Variants in TMEM71 observed in about 807,000 individuals in gnomAD.
TMEM71 encodes the protein transmembrane protein 71.
In TMEM71, 44 loss-of-function variants were observed where a neutral mutation model predicts 38.0. The observed-to-expected ratio is 1.16, with a 90% CI of 0.91 to 1.49. The LOEUF (loss-of-function observed/expected upper bound fraction) is 1.49, where lower values mean the gene tolerates loss of function less well. Ranked by LOEUF, TMEM71 falls within the 40% of genes most tolerant of loss-of-function variation. The probability of loss-of-function intolerance (pLI) is 0.00; values close to 1 mark genes in which losing one functional copy is unlikely to be tolerated. For missense variants in TMEM71, 367 were observed against 348.6 expected, an observed-to-expected ratio of 1.05 and a Z score of -0.42; for synonymous variants, 133 against 122.5, an observed-to-expected ratio of 1.09 and a Z score of -0.56.
chr8:132,713,663 T>C (rs1284691318), intron 9 of TMEM71, among the ~76,000 whole-genome samples: 1 of 152,192 alleles, frequency 6.6e-6, no homozygotes, highest in Non-Finnish European at 1.5e-5. Flanking sequence ...TTGCCAGCTA[T>C]TTGGGAACGT....
intron 6 of TMEM71, among the ~76,000 whole-genome samples, chr8:132,722,745 A>G (rs1024244499): frequency 6.6e-6 from 1 of 152,256 alleles, no homozygotes; most frequent in African/African-American, 2.4e-5. Flanking sequence ...AAGACAAAAA[A>G]TGAGAACATA....
chr8:132,729,480 C>A (rs1395011915), intron 5 of TMEM71, among the ~76,000 whole-genome samples: 2 of 152,220 alleles, frequency 1.3e-5, no homozygotes, highest in African/African-American at 2.4e-5. Flanking sequence ...GACTTGGAAG[C>A]AAAGCCACTC....
intron 7 of TMEM71, among the ~76,000 whole-genome samples, chr8:132,716,134 C>T (rs1826515187): frequency 6.6e-6 from 1 of 152,226 alleles, no homozygotes; most frequent in South Asian, 2.1e-4. Flanking sequence ...ACCCAGGCAT[C>T]CCTGCACTCT....
At chr8:132,747,777 T>A (rs1009237793) in intron 4 of TMEM71, among the ~76,000 whole-genome samples, 1 of 152,216 alleles carries the variant, frequency 6.6e-6, no homozygotes, top group South Asian at 2.1e-4. Context: ...TAAGTCTGAT[T>A]AGGTCATGCC....
intron 7 of TMEM71, among the ~76,000 whole-genome samples, chr8:132,717,137 C>G (rs907936925): frequency 6.6e-6 from 1 of 151,970 alleles, no homozygotes; most frequent in Admixed American, 6.6e-5. Context: ...TAAAACACAA[C>G]AAAAGATGGG....
downstream of TMEM71, among the ~76,000 whole-genome samples, chr8:132,707,598 T>C (rs1586778947): frequency 6.6e-6 from 1 of 152,162 alleles, no homozygotes; most frequent in East Asian, 1.9e-4. Flanking sequence ...CCTTCTCTCA[T>C]CTTCTCACCT....
upstream of TMEM71, among the ~76,000 whole-genome samples, chr8:132,764,595 G>A (rs925684241): frequency 6.6e-6 from 1 of 152,162 alleles, no homozygotes; most frequent in South Asian, 2.1e-4. Flanking sequence ...ATTCAACCAT[G>A]CTGGCTTCCT....
chr8:132,757,638 A>C (rs1829099469), intron 2 of TMEM71, among the ~76,000 whole-genome samples: 1 of 151,978 alleles, frequency 6.6e-6, no homozygotes, highest in African/African-American at 2.4e-5. Flanking sequence ...ATCCTGGCTA[A>C]CACGGTGACA....
intron 7 of TMEM71, among the ~76,000 whole-genome samples, chr8:132,718,500 C>G (rs1022600370): frequency 2.6e-5 from 4 of 151,298 alleles, no homozygotes; most frequent in Non-Finnish European, 5.9e-5. Context: ...CGGGTTCACA[C>G]CATTCTCCTG....
rs745844910 is a variant in TMEM71, at chr8:132,727,960, T to C, written c.514A>G (p.Thr172Ala). 6.2e-7 allele frequency: 1 copy of C among 1,613,424 alleles called. No individual in the cohort carries two copies. The highest frequency in any genetic ancestry group is 2.2e-5 in the East Asian group (1 of 44,844). The change falls in exon 6 of 10, where the codon ACT becomes GCT. Residue 172 changes from threonine to alanine, a missense_variant. Transcript: ENST00000677595. ...NADDLDCSSL[T>A]DDWESGKMNA... ...ATCTTCCCTGACTCCCAGTCATCAG[T>C]CAGAGAAGAACAGTCTAAATCATCT...
chr8:132,751,689 C>T (rs1180886022), intron 4 of TMEM71, 96 bp downstream of exon 4: 1 of 1,196,260 alleles, frequency 8.4e-7, no homozygotes, highest in Non-Finnish European at 1.2e-6. Context: ...CAATAATGGG[C>T]TCCTTATAAA....
At chr8:132,730,186 G>A (rs545917744) in intron 5 of TMEM71, among the ~76,000 whole-genome samples, 3 of 152,158 alleles carry the variant, frequency 2.0e-5, no homozygotes, top group Admixed American at 6.5e-5. Context: ...TTGAACTCCC[G>A]ACCTCAGATG....
intron 6 of TMEM71, among the ~76,000 whole-genome samples, chr8:132,725,236 C>T (rs1468698556): frequency 5.3e-5 from 8 of 152,054 alleles, no homozygotes; most frequent in Admixed American, 4.6e-4. Flanking sequence ...CACCATGTTG[C>T]CTAGGCTGGT....
chr8:132,727,031 A>C (rs1827183688), intron 6 of TMEM71, among the ~76,000 whole-genome samples: 1 of 148,912 alleles, frequency 6.7e-6, no homozygotes, highest in African/African-American at 2.5e-5. Context: ...TAATTTTTCT[A>C]TTTTTAGTAG....
chr8:132,722,037 T>C lies in TMEM71; in HGVS notation c.752+3A>G, dbSNP rs778182496. 1.1e-5 allele frequency: 17 copies of C among 1,612,568 alleles called. No individual in the cohort carries two copies. The South Asian group carries it at 1.9e-4, about 18-fold the overall frequency. On this transcript the variant is annotated splice_donor_region_variant and intron_variant, in intron 7 of 9. Coordinates refer to ENST00000677595, the MANE Select transcript of TMEM71 (RefSeq NM_001382403.1). ...CGCTGCATGAAAATAAAACGTGAATTACCTTGCACATGCAGAAATGATTAA... is the reference window on the plus strand; with the variant it reads ...CGCTGCATGAAAATAAAACGTGAATCACCTTGCACATGCAGAAATGATTAA...
chr8:132,713,919 C>A, intron 9 of TMEM71, 76 bp downstream of exon 9: 4 of 1,401,182 alleles, frequency 2.9e-6, no homozygotes, highest in African/African-American at 1.4e-5. Context: ...ATCTACTATG[C>A]AGCAGAAACC....
chr8:132,734,989 T>G (rs1453273162), intron 5 of TMEM71, among the ~76,000 whole-genome samples: 2 of 152,188 alleles, frequency 1.3e-5, no homozygotes, highest in East Asian at 3.8e-4. Context: ...TCAAAGATAT[T>G]TATGTGACAG....
chr8:132,756,411 T>TTTTATATATATA (rs1554619986), intron 3 of TMEM71, among the ~76,000 whole-genome samples: 6 of 115,814 alleles, frequency 5.2e-5, no homozygotes, highest in South Asian at 5.1e-4. Context: ...AACATATATA[T>TTTTATATATATA]TATATATATA....
chr8:132,715,560 C>A (rs1009613964), intron 7 of TMEM71, among the ~76,000 whole-genome samples: 1 of 152,130 alleles, frequency 6.6e-6, no homozygotes, highest in Non-Finnish European at 1.5e-5. Context: ...TACCATATAA[C>A]CCAACAGTTG....
Sources: allele counts gnomAD v4.1 joint callset (sites outside exome capture counted in the v4.1 genomes callset), GRCh38; gene constraint gnomAD v4.1.1; transcripts MANE v1.5; gene names NCBI Gene and HGNC (gene_info 2026-07-23, HGNC 2026-07-21).